UBR2: variants seen among roughly 807,000 people sequenced by gnomAD.
UBR2 encodes the protein ubiquitin protein ligase E3 component n-recognin 2.
In UBR2, 92 loss-of-function variants were observed where a neutral mutation model predicts 247.9. That is an observed-to-expected ratio of 0.37 (90% CI 0.31 to 0.44). The LOEUF (loss-of-function observed/expected upper bound fraction) is 0.44. Among genes scored for constraint, UBR2 ranks in the 20% least tolerant of loss-of-function variants. The pLI is 1.00. For missense variants in UBR2, 1,613 were observed against 2,112.6 expected (o/e 0.76, Z 4.64); for synonymous variants, 672 against 693.5 (o/e 0.97, Z 0.49).
Position 42,603,701 on chromosome 6 carries a change from A to C in UBR2, c.645A>C (p.Pro215=). ...CCTGGGAAAAAGAAAGTGAATTGCC[A>C]GCAGATTTAGAGATGGTGTAAGTAT... The part of the protein sequence containing the change: ...ILTWEKESEL[P]ADLEMVEKSD... Residue 215 remains proline, a synonymous_variant, in exon 5 of 47, where the codon CCA becomes CCC. Coordinates refer to ENST00000372901, the MANE Select transcript of UBR2 (RefSeq NM_001363705.2). The C allele has an allele frequency of 6.3e-7, 1 of 1,597,582 alleles. No homozygotes were observed. The highest frequency in any genetic ancestry group is 8.5e-7 in the Non-Finnish European group (1 of 1,176,400).
intron 34 of UBR2, among the ~76,000 whole-genome samples, chr6:42,668,423 C>T (rs2151980860): frequency 6.6e-6 from 1 of 152,164 alleles, no homozygotes; most frequent in East Asian, 1.9e-4. Flanking sequence ...TATTCCCATT[C>T]TAATTCTTGT....
At chr6:42,645,244 C>T (rs1409816006) in intron 20 of UBR2, among the ~76,000 whole-genome samples, 2 of 152,136 alleles carry the variant, frequency 1.3e-5, no homozygotes, top group African/African-American at 4.8e-5. Flanking sequence ...GCAGAAAGAG[C>T]TCTCTCCACT....
At chr6:42,586,818 T>A (rs556084201) in intron 2 of UBR2, among the ~76,000 whole-genome samples, 2 of 121,636 alleles carry the variant, frequency 1.6e-5, no homozygotes, top group South Asian at 2.8e-4. Flanking sequence ...ATTGCACCTA[T>A]AAACTTTTTT....
Position 42,592,240 on chromosome 6 carries a change from T to C in UBR2, c.417+11T>C. The stretch of plus-strand genomic sequence containing the variant: ...GATCATCGATATAGGGTTAGTAATG[T>C]CCAAATAATAACCATGCGCAGTATT... On this transcript the variant is annotated intron_variant, in intron 3 of 46. Coordinates refer to ENST00000372901, the MANE Select transcript of UBR2 (RefSeq NM_001363705.2). The C allele has an allele frequency of 6.5e-7, 1 of 1,536,924 alleles. No homozygotes were observed. The highest frequency in any genetic ancestry group is 8.7e-7 in the Non-Finnish European group (1 of 1,144,826).
chr6:42,602,794 G>A (rs760989527), intron 4 of UBR2, among the ~76,000 whole-genome samples: 40 of 150,386 alleles, frequency 2.7e-4, no homozygotes, highest in Admixed American at 5.3e-4. Flanking sequence ...TTATTTTCAG[G>A]GATCTGCTGA....
rs1799736326 is a variant in UBR2, at chr6:42,691,245, C to T, written c.*72C>T. 1 of 1,567,062 alleles carries T rather than the reference C, an allele frequency of 6.4e-7. No individual in the cohort carries two copies. ...TGGCTTTTTAAGAAAGAAAGAAGTT[C>T]TGCTGAATTTGGAAATAAATTCTTT... On this transcript the variant is annotated 3_prime_UTR_variant, in exon 47 of 47. Transcript: ENST00000372901.
intron 42 of UBR2, among the ~76,000 whole-genome samples, chr6:42,680,479 A>AT (rs1303048853): frequency 6.6e-6 from 1 of 151,800 alleles, no homozygotes; most frequent in Non-Finnish European, 1.5e-5. Context: ...GGGTTTTGCC[A>AT]TTTTTTCCAG....
intron 36 of UBR2, 111 bp from the exon 37 acceptor site, chr6:42,673,680 A>G (rs1008686305): frequency 2.2e-5 from 15 of 681,054 alleles, no homozygotes; most frequent in Middle Eastern, 2.6e-4. Flanking sequence ...ATCTAGTTCC[A>G]TACCATCTAG....
At chr6:42,656,573 G>C (rs768696122) in intron 26 of UBR2, among the ~76,000 whole-genome samples, 1 of 152,160 alleles carries the variant, frequency 6.6e-6, no homozygotes, top group Non-Finnish European at 1.5e-5. Context: ...AATTGATGGT[G>C]CTATGATAGG....
intron 43 of UBR2, 112 bp from the exon 44 acceptor site, chr6:42,684,682 A>G: frequency 1.7e-6 from 1 of 589,922 alleles, no homozygotes; most frequent in Middle Eastern, 4.5e-4. Flanking sequence ...TAAAGTAGTG[A>G]AAGGCCATAC....
chr6:42,674,337 A>C (rs1798599994), intron 38 of UBR2, 144 bp downstream of exon 38: 5 of 722,516 alleles, frequency 6.9e-6, no homozygotes, highest in Non-Finnish European at 1.1e-5. Flanking sequence ...GAGAAACCTC[A>C]AAAAGAAAAT....
intron 34 of UBR2, among the ~76,000 whole-genome samples, chr6:42,669,493 T>A (rs945378736): frequency 6.6e-6 from 1 of 152,346 alleles, no homozygotes; most frequent in South Asian, 2.1e-4. Flanking sequence ...AATTTTCTTA[T>A]GATTTTTTTT....
At position 42,662,263 on chromosome 6, in the gene UBR2, C is replaced by T. The variant is rs1395346568; in HGVS notation, c.3522C>T (p.Ala1174=). Residue 1174 remains alanine, a synonymous_variant, in exon 31 of 47, where the codon GCC becomes GCT. Coordinates refer to ENST00000372901, the MANE Select transcript of UBR2 (RefSeq NM_001363705.2). The stretch of plus-strand genomic sequence containing the variant: ...GTAGCTGTGGGCACATTATGCATGC[C>T]CATTGTTGGCAAAGGTAATGTATAT... ...HTSSCGHIMH[A]HCWQRYFDSV... 2.5e-6 allele frequency: 4 copies of T among 1,601,896 alleles called. No individual in the cohort carries two copies. The South Asian group carries it at 4.5e-5, about 18-fold the overall frequency.
chr6:42,673,838 A>C lies in UBR2; in HGVS notation c.4134A>C (p.Thr1378=). Residue 1378 remains threonine, a synonymous_variant, in exon 37 of 47, where the codon ACA becomes ACC. Transcript: ENST00000372901. ...CGAGATTTGCCGCAGCACACTGGAC[A>C]GTGGCATCAGTTTCAGTGGTGCAAG... is the stretch of plus-strand genomic sequence containing the variant. ...SLTRFAAAHW[T]VASVSVVQGH... is the part of the protein sequence containing the mutation. 6.2e-7 allele frequency: 1 copy of C among 1,614,154 alleles called. No individual in the cohort carries two copies. Among genetic ancestry groups the C allele is most frequent in the Non-Finnish European group, 8.5e-7 (1 of 1,180,004 alleles).
rs1012460963 is a variant in UBR2, at chr6:42,689,078, C to T, written c.5025-491C>T. Among the ~76,000 whole-genome samples the T allele has an allele frequency of 6.6e-6, 1 of 152,174 alleles. No homozygotes were observed. The highest frequency in any genetic ancestry group is 2.4e-5 in the African/African-American group (1 of 41,422). ...CTACTCAGAACATTCTGCACAGTTCCTGGGGTAGAAATGTGCCTGTCTGCT... is the reference window on the plus strand; with the variant it reads ...CTACTCAGAACATTCTGCACAGTTCTTGGGGTAGAAATGTGCCTGTCTGCT... On this transcript the variant is annotated intron_variant, in intron 45 of 46. Coordinates refer to ENST00000372901, the MANE Select transcript of UBR2 (RefSeq NM_001363705.2). The surrounding 1 kb of genome is among the most constrained non-coding windows in gnomAD (Gnocchi z 4.0).
At chr6:42,628,285 AC>A (rs757628661) in intron 11 of UBR2, among the ~76,000 whole-genome samples, 66 of 152,276 alleles carry the variant, frequency 4.3e-4, no homozygotes, top group Admixed American at 2.2e-3. Context: ...TAAAAAAAAA[AC>A]AAAACTCTGT....
intron 34 of UBR2, among the ~76,000 whole-genome samples, chr6:42,669,700 C>T (rs939657874): frequency 5.9e-5 from 9 of 152,158 alleles, no homozygotes. Flanking sequence ...GATCAGGACA[C>T]CTCCAGTCTT....
intron 21 of UBR2, among the ~76,000 whole-genome samples, chr6:42,647,196 A>G (rs979182651): frequency 1.3e-5 from 2 of 152,182 alleles, no homozygotes; most frequent in Admixed American, 1.3e-4. Context: ...TTAATGCAGG[A>G]AGTGAATCCC....
rs116676883 is a variant in UBR2, at chr6:42,591,486, G to A, written c.339-665G>A. On this transcript the variant is annotated intron_variant, in intron 2 of 46. Transcript: ENST00000372901. ...AACTGGCAGTATGAAGAAAGCAAATGAAACAACTCAGGGCACCCCAACCAA... is the reference window on the plus strand; with the variant it reads ...AACTGGCAGTATGAAGAAAGCAAATAAAACAACTCAGGGCACCCCAACCAA... Among the ~76,000 whole-genome samples the A allele has an allele frequency of 9.4e-3, 1,429 of 152,228 alleles. 19 individuals are homozygous for A. Among genetic ancestry groups the A allele is most frequent in the African/African-American group, 0.031 (1,287 of 41,528 alleles).
Sources: gnomAD v4.1 joint callset for allele counts (sites outside exome capture counted in the v4.1 genomes callset) on GRCh38, gnomAD v4.1.1 for gene constraint, Gnocchi (gnomAD v3.1) non-coding constraint, MANE v1.5 for transcripts, NCBI Gene and HGNC (gene_info 2026-07-23, HGNC 2026-07-21) for gene names.